GRID1: variants seen among roughly 807,000 people sequenced by gnomAD.
GRID1 encodes glutamate receptor ionotropic, delta-1.
In GRID1, 28 loss-of-function variants were observed where a neutral mutation model predicts 98.0. The observed-to-expected ratio is 0.29, with a 90% CI of 0.21 to 0.39. The LOEUF (loss-of-function observed/expected upper bound fraction) is 0.39, where lower values mean the gene tolerates loss of function less well. Ranked by LOEUF, GRID1 falls within the 10% of genes least tolerant of loss-of-function variation. GRID1 has a pLI of 1.00. For missense variants in GRID1, 1,111 were observed against 1,340.5 expected, an observed-to-expected ratio of 0.83 and a Z score of 2.67; for synonymous variants, 553 against 538.5, an observed-to-expected ratio of 1.03 and a Z score of -0.37.
At position 86,261,757 on chromosome 10, in the gene GRID1, C is replaced by T. The variant is rs145248181; in HGVS notation, c.236-55109G>A. ...TCACCCACTCTCACCTGAGCAGGGG[C>T]ATTGAGGTGGCACACACACACATAC... On this transcript the variant is annotated intron_variant, in intron 2 of 15. Transcript: ENST00000327946. Among the ~76,000 whole-genome samples the T allele has an allele frequency of 1.6e-4, 24 of 150,272 alleles. No individual in the cohort carries two copies. The East Asian group carries it at 4.6e-3, about 29-fold the overall frequency.
At chr10:85,888,903 C>T (rs1174294660) in intron 5 of GRID1, among the ~76,000 whole-genome samples, 1 of 152,188 alleles carries the variant, frequency 6.6e-6, no homozygotes, top group East Asian at 1.9e-4. Context: ...CATCCCTGCT[C>T]ATTCAATTTC....
At chr10:86,286,199 A>T (rs1278588104) in intron 2 of GRID1, among the ~76,000 whole-genome samples, 2 of 152,096 alleles carry the variant, frequency 1.3e-5, no homozygotes, top group Non-Finnish European at 2.9e-5. Flanking sequence ...AGAAGTGTAG[A>T]TGTATAGTTA....
intron 2 of GRID1, among the ~76,000 whole-genome samples, chr10:86,233,760 T>A (rs1846492685): frequency 1.3e-5 from 2 of 152,022 alleles, no homozygotes; most frequent in African/African-American, 4.8e-5. Flanking sequence ...CCAACCCCTG[T>A]CCCAGGCTCT....
At chr10:85,923,272 T>G (rs1589300133) in intron 4 of GRID1, among the ~76,000 whole-genome samples, 1 of 152,040 alleles carries the variant, frequency 6.6e-6, no homozygotes, top group South Asian at 2.1e-4. Context: ...GGGGAGTGCA[T>G]GGGCTCAGGT....
intron 5 of GRID1, among the ~76,000 whole-genome samples, chr10:85,910,470 G>C (rs1250240729): frequency 6.6e-6 from 1 of 152,182 alleles, no homozygotes; most frequent in East Asian, 1.9e-4. Flanking sequence ...GATGTCCCTG[G>C]ACTGTTGACA....
intron 12 of GRID1, among the ~76,000 whole-genome samples, chr10:85,656,668 G>C (rs1299445572): frequency 6.6e-6 from 1 of 152,184 alleles, no homozygotes; most frequent in East Asian, 1.9e-4. Context: ...CTGTAGCCAA[G>C]AGCCTTGAAA....
intron 5 of GRID1, among the ~76,000 whole-genome samples, chr10:85,903,803 C>A (rs1464723756): frequency 1.3e-5 from 2 of 152,220 alleles, no homozygotes; most frequent in Non-Finnish European, 1.5e-5. Flanking sequence ...AGAGACTTCA[C>A]ACCTGTTCTC....
Position 85,599,821 on chromosome 10 carries a change from A to ATATATATATATATATATATATATATAT in GRID1, c.*2451_*2452insATATATATATATATATATATATATATA, listed in dbSNP as rs1470286241. ...AAAAAAAATATATATATATATATAT[A>ATATATATATATATATATATATATATAT]AACATGGTGAAGAATAACACCATGA... is the stretch of plus-strand genomic sequence containing the variant. On this transcript the variant is annotated 3_prime_UTR_variant, in exon 16 of 16. Coordinates refer to ENST00000327946, the MANE Select transcript of GRID1 (RefSeq NM_017551.3). 8 of 129,332 alleles carry ATATATATATATATATATATATATATAT rather than the reference A, an allele frequency of 6.2e-5. No homozygotes were observed. Among genetic ancestry groups the ATATATATATATATATATATATATATAT allele is most frequent in the Admixed American group, 1.6e-4 (2 of 12,582 alleles). The allele number at this position is 129,332 out of a possible 1,614,324, so 8.0% of individuals were successfully genotyped here. A position where few individuals can be genotyped will look rare whatever the true frequency, so the allele number is the denominator to read the frequency against.
chr10:85,888,261 T>C (rs1436311235), intron 5 of GRID1, among the ~76,000 whole-genome samples: 1 of 152,162 alleles, frequency 6.6e-6, no homozygotes, highest in Non-Finnish European at 1.5e-5. Context: ...CTGCCTCTCA[T>C]CCACCTCCTC....
At chr10:86,027,541 C>T (rs115476966) in intron 4 of GRID1, among the ~76,000 whole-genome samples, 1,618 of 152,316 alleles carry the variant, frequency 0.011, 30 homozygotes, top group African/African-American at 0.036. Context: ...CTGTTGTGAA[C>T]AGTGCTGCTA....
At chr10:86,207,628 CTTTTTTTTTTTT>C (rs71016123) in intron 2 of GRID1, among the ~76,000 whole-genome samples, 1 of 106,220 alleles carries the variant, frequency 9.4e-6, no homozygotes, top group East Asian at 2.9e-4. Context: ...GATGCAGTTT[CTTTTTTTTTTTT>C]TTTTTTTTTG....
intron 12 of GRID1, among the ~76,000 whole-genome samples, chr10:85,690,792 G>T (rs1357174840): frequency 1.3e-5 from 2 of 151,936 alleles, no homozygotes; most frequent in Non-Finnish European, 2.9e-5. Context: ...TAATTCAATG[G>T]TTTCTCAAAA....
chr10:86,007,822 T>TTTTA (rs56067622), intron 4 of GRID1, among the ~76,000 whole-genome samples: 32,857 of 148,140 alleles, frequency 0.22, 3,701 homozygotes, highest in South Asian at 0.24. Flanking sequence ...TTTTGTGTTT[T>TTTTA]TTTATTTATT....
In GRID1 at chr10:85,621,354, A is replaced by T. The variant is rs964414008; in HGVS notation, c.2194-1321T>A. Among the ~76,000 whole-genome samples, 9 of 152,126 alleles carry T rather than the reference A, an allele frequency of 5.9e-5. 1 individual carries two copies. The South Asian group carries it at 1.9e-3, about 32-fold the overall frequency. On this transcript the variant is annotated intron_variant, in intron 13 of 15. Transcript: ENST00000327946. ...TACAGGCTTCTTGGCATTGTTGAGG[A>T]CATTGTCCCTGGCTCCTGCCTTTGT...
In GRID1 at chr10:86,017,254, T is replaced by A. The variant is rs566650748; in HGVS notation, c.727-101015A>T. ...AACTGAAAATAGAATTCCGGGCACATGGGTAAGTATCAAGAGACATGTATA... is the reference window on the plus strand; with the variant it reads ...AACTGAAAATAGAATTCCGGGCACAAGGGTAAGTATCAAGAGACATGTATA... On this transcript the variant is annotated intron_variant, in intron 4 of 15. Transcript: ENST00000327946. 8.8e-4 allele frequency among the ~76,000 whole-genome samples: 134 copies of A among 152,320 alleles called. 2 individuals carry two copies. In the South Asian group the frequency reaches 0.024, roughly 27 times the overall value.
At chr10:85,851,610 A>G (rs946085855) in intron 8 of GRID1, among the ~76,000 whole-genome samples, 7 of 152,304 alleles carry the variant, frequency 4.6e-5, no homozygotes, top group African/African-American at 1.7e-4. Flanking sequence ...TACTTAATTT[A>G]AATGATTCCT....
At chr10:86,261,857 G>T (rs1847020716) in intron 2 of GRID1, among the ~76,000 whole-genome samples, 1 of 152,114 alleles carries the variant, frequency 6.6e-6, no homozygotes, top group African/African-American at 2.4e-5. Flanking sequence ...AGGCTTCATT[G>T]CTTACCATTG....
In GRID1 at chr10:86,006,095, A is replaced by G. The variant is rs550416314; in HGVS notation, c.727-89856T>C. On this transcript the variant is annotated intron_variant, in intron 4 of 15. Coordinates refer to ENST00000327946, the MANE Select transcript of GRID1 (RefSeq NM_017551.3). ...ATATCAAAAATTATTATGAATCTAT[A>G]GCAATTAAGCAATGGTAGTACTAGT... is the stretch of plus-strand genomic sequence containing the variant. Among the ~76,000 whole-genome samples, 3 of 152,346 alleles carry G rather than the reference A, an allele frequency of 2.0e-5. No individual in the cohort carries two copies. The South Asian group carries it at 6.2e-4, about 32-fold the overall frequency.
At chr10:85,725,940 G>C (rs1841755948) in intron 10 of GRID1, among the ~76,000 whole-genome samples, 1 of 152,206 alleles carries the variant, frequency 6.6e-6, no homozygotes, top group African/African-American at 2.4e-5. Context: ...GATTAGGAAA[G>C]TTTGGAGCAT....
Sources: allele counts gnomAD v4.1 joint callset (sites outside exome capture counted in the v4.1 genomes callset), GRCh38; gene constraint gnomAD v4.1.1; transcripts MANE v1.5; gene names NCBI Gene and HGNC (gene_info 2026-07-23, HGNC 2026-07-21).